The following HECW2 variants were observed in gnomAD, a reference collection of about 807,000 sequenced individuals.
HECW2 encodes the protein HECT, C2 and WW domain containing E3 ubiquitin protein ligase 2.
In HECW2, 61 loss-of-function variants were observed where a neutral mutation model predicts 175.2. The observed-to-expected ratio is 0.35, with a 90% CI of 0.28 to 0.43. The LOEUF is 0.43. Among genes scored for constraint, HECW2 ranks in the 20% least tolerant of loss-of-function variants. HECW2 has a pLI of 1.00. For missense variants in HECW2, 1,524 were observed against 2,000.5 expected, an observed-to-expected ratio of 0.76 and a Z score of 4.54; for synonymous variants, 671 against 731.0, an observed-to-expected ratio of 0.92 and a Z score of 1.32.
intron 2 of HECW2, among the ~76,000 whole-genome samples, chr2:196,376,184 C>T (rs531001390): frequency 2.0e-5 from 3 of 152,278 alleles, no homozygotes; most frequent in African/African-American, 7.2e-5. Flanking sequence ...TACTTCATAA[C>T]TTATTGGTCT....
chr2:196,440,085 G>A (rs200509889), intron 1 of HECW2, among the ~76,000 whole-genome samples: 2 of 152,150 alleles, frequency 1.3e-5, no homozygotes, highest in East Asian at 3.9e-4. Flanking sequence ...TATTTCAGGT[G>A]AGATGGAAGT....
At chr2:196,370,545 C>T (rs762558965) in intron 2 of HECW2, among the ~76,000 whole-genome samples, 8 of 152,162 alleles carry the variant, frequency 5.3e-5, no homozygotes, top group Non-Finnish European at 7.3e-5. Flanking sequence ...CTCACTAGGT[C>T]ACAAGCCCCC....
chr2:196,219,610 C>T (rs905637760), intron 26 of HECW2, among the ~76,000 whole-genome samples: 1 of 152,170 alleles, frequency 6.6e-6, no homozygotes, highest in Non-Finnish European at 1.5e-5. Context: ...CTATGAATTA[C>T]AACTGATAAG....
intron 12 of HECW2, 46 bp downstream of exon 12, chr2:196,307,084 T>C: frequency 7.3e-7 from 1 of 1,368,178 alleles, no homozygotes. Flanking sequence ...ATTTGCTTCT[T>C]TTTCCACTTT....
chr2:196,417,197 C>T (rs895106946), intron 2 of HECW2, among the ~76,000 whole-genome samples: 2 of 152,170 alleles, frequency 1.3e-5, no homozygotes, highest in Non-Finnish European at 2.9e-5. Context: ...TACACTTCAA[C>T]AGATAAATAA....
At chr2:196,533,877 C>G (rs1006792034) in intron 1 of HECW2, among the ~76,000 whole-genome samples, 1 of 152,228 alleles carries the variant, frequency 6.6e-6, no homozygotes, top group South Asian at 2.1e-4. Flanking sequence ...AAATATAATA[C>G]TAGCTTTCTG....
At chr2:196,362,307 T>G (rs1034803018) in intron 2 of HECW2, 1 of 195,272 alleles carries the variant, frequency 5.1e-6, no homozygotes, top group African/African-American at 2.7e-5. Context: ...TTCCAAAGAA[T>G]GAGTTATGTG....
At chr2:196,542,775 ATATC>A (rs1167623936) in intron 1 of HECW2, among the ~76,000 whole-genome samples, 1 of 150,748 alleles carries the variant, frequency 6.6e-6, no homozygotes, top group Non-Finnish European at 1.5e-5. Context: ...ATATATAAAT[ATATC>A]TAGATAGATA....
chr2:196,412,524 TC>T lies in HECW2; in HGVS notation c.292+20607del, dbSNP rs2125230003. The stretch of plus-strand genomic sequence containing the variant: ...GTCCTTATTCACAAAGAGTTTATCA[TC>T]CCATTTTGAGGTCAGGATTTAGTCA... On this transcript the variant is annotated intron_variant, in intron 2 of 28. Transcript: ENST00000644978. Among the ~76,000 whole-genome samples the T allele has an allele frequency of 1.3e-5, 2 of 152,338 alleles. 1 individual carries two copies. Among genetic ancestry groups the T allele is most frequent in the South Asian group, 4.1e-4 (2 of 4,830 alleles).
chr2:196,443,784 C>T (rs1033082341), intron 1 of HECW2, among the ~76,000 whole-genome samples: 8 of 152,216 alleles, frequency 5.3e-5, no homozygotes, highest in Admixed American at 6.5e-5. Context: ...AATCCCAGCA[C>T]TTTGGGAGGC....
At chr2:196,496,536 TTC>T (rs1047193082) in intron 1 of HECW2, among the ~76,000 whole-genome samples, 1 of 152,224 alleles carries the variant, frequency 6.6e-6, no homozygotes, top group African/African-American at 2.4e-5. Context: ...AAAGCTCATA[TTC>T]TTTTTACAGC....
At chr2:196,267,574 T>C (rs1689563734) in intron 17 of HECW2, among the ~76,000 whole-genome samples, 1 of 152,126 alleles carries the variant, frequency 6.6e-6, no homozygotes, top group Non-Finnish European at 1.5e-5. Flanking sequence ...CCATTCACAT[T>C]TGCGTGATAA....
At chr2:196,302,259 G>T (rs540863578) in intron 13 of HECW2, among the ~76,000 whole-genome samples, 25 of 152,176 alleles carry the variant, frequency 1.6e-4, no homozygotes, top group African/African-American at 6.0e-4. Flanking sequence ...GTCTGTTTTT[G>T]TATCAGTACC....
chr2:196,204,866 T>A (rs1276489816), intron 28 of HECW2, among the ~76,000 whole-genome samples: 7 of 152,188 alleles, frequency 4.6e-5, no homozygotes, highest in Non-Finnish European at 2.9e-5. Flanking sequence ...TCTCCCAGGT[T>A]TCTGAGTAGA....
intron 19 of HECW2, among the ~76,000 whole-genome samples, chr2:196,243,102 G>A (rs1429265127): frequency 6.6e-6 from 1 of 151,698 alleles, no homozygotes; most frequent in East Asian, 1.9e-4. Context: ...AATTGCAAAA[G>A]GCACCTGTCT....
At chr2:196,355,356 A>C (rs938775698) in intron 2 of HECW2, among the ~76,000 whole-genome samples, 5 of 152,342 alleles carry the variant, frequency 3.3e-5, no homozygotes, top group Non-Finnish European at 5.9e-5. Context: ...TAAATGGTGA[A>C]GTATGGCCAG....
intron 1 of HECW2, among the ~76,000 whole-genome samples, chr2:196,447,067 A>T (rs1696208001): frequency 6.6e-6 from 1 of 152,200 alleles, no homozygotes; most frequent in Non-Finnish European, 1.5e-5. Flanking sequence ...AATATGCAAC[A>T]TGTGAATAAG....
intron 13 of HECW2, among the ~76,000 whole-genome samples, chr2:196,300,760 A>T (rs1575382586): frequency 6.6e-6 from 1 of 152,274 alleles, no homozygotes; most frequent in East Asian, 1.9e-4. Flanking sequence ...TGTGTGTATA[A>T]ACACAGCCTA....
At chr2:196,468,353 C>T (rs1201994667) in intron 1 of HECW2, among the ~76,000 whole-genome samples, 2 of 152,198 alleles carry the variant, frequency 1.3e-5, no homozygotes, top group East Asian at 3.9e-4. Context: ...TAATCTCTCA[C>T]TGGTAAAGCC....
Sources: gnomAD v4.1 joint callset for allele counts (sites outside exome capture counted in the v4.1 genomes callset) on GRCh38, gnomAD v4.1.1 for gene constraint, MANE v1.5 for transcripts, NCBI Gene and HGNC (gene_info 2026-07-23, HGNC 2026-07-21) for gene names.